CLSTN3: variants seen among roughly 807,000 people sequenced by gnomAD.
CLSTN3 encodes the protein calsyntenin 3, also known as calsyntenin-3.
Under a neutral mutation model 95.9 loss-of-function variants are expected in CLSTN3, and 36 were observed. The ratio of observed to expected loss-of-function variants is 0.38; its 90% CI spans 0.29 to 0.50. The LOEUF is 0.50. Ranked by LOEUF, CLSTN3 falls within the 20% of genes least tolerant of loss-of-function variation. The probability of loss-of-function intolerance (pLI) is 0.95; values close to 1 mark genes in which losing one functional copy is unlikely to be tolerated. For synonymous variants in CLSTN3, 481 were observed against 504.0 expected (o/e 0.95, Z 0.61); for missense variants, 1,084 against 1,268.8 (o/e 0.85, Z 2.21).
chr12:7,139,237 G>A (rs1293294268), intron 8 of CLSTN3, among the ~76,000 whole-genome samples: 3 of 152,204 alleles, frequency 2.0e-5, no homozygotes, highest in Non-Finnish European at 1.5e-5. Context: ...GCAGGCAAGG[G>A]ACTGGGGCAG....
chr12:7,153,264 C>T (rs775747773), intron 16 of CLSTN3, among the ~76,000 whole-genome samples: 14 of 152,148 alleles, frequency 9.2e-5, no homozygotes, highest in Admixed American at 2.0e-4. Context: ...AGCAATCCTC[C>T]TGCCTTAGCC....
chr12:7,156,465 G>A (rs987625199), intron 16 of CLSTN3: 1 of 456,940 alleles, frequency 2.2e-6, no homozygotes, highest in Non-Finnish European at 4.4e-6. Context: ...CAGCTGGTGG[G>A]GAGCTGGGTG....
rs1263290238 is a variant in CLSTN3, at chr12:7,130,475, A to T, written c.-174A>T. The T allele has an allele frequency of 3.3e-6, 5 of 1,499,488 alleles. No homozygotes were observed. The African/African-American group carries it at 6.9e-5, about 21-fold the overall frequency. 92.9% of individuals were successfully genotyped at this position (1,499,488 alleles called of 1,614,324 possible). A position where few individuals can be genotyped will look rare whatever the true frequency, so the allele number is the denominator to read the frequency against. On this transcript the variant is annotated 5_prime_UTR_variant, in exon 1 of 18. Transcript: ENST00000266546. ...CACCGCCTCAGCTACCCAGATTGGG[A>T]TCTGCCCAGGCCCGCTTTATGGACT...
chr12:7,133,176 G>T lies in CLSTN3; in HGVS notation c.187+30G>T, dbSNP rs763105524. On this transcript the variant is annotated intron_variant, in intron 2 of 17. Coordinates refer to ENST00000266546, the MANE Select transcript of CLSTN3 (RefSeq NM_014718.4). The surrounding 1 kb of genome is among the most constrained non-coding windows in gnomAD (Gnocchi z 4.7). The stretch of plus-strand genomic sequence containing the variant: ...TTGGGATTGGGGGATGGCAAGGCAG[G>T]GTAGGACAGAGAAAAGTGGGTGGGA... 5 of 1,612,290 alleles carry T rather than the reference G, an allele frequency of 3.1e-6. No homozygotes were observed. In the South Asian group the frequency reaches 4.4e-5, roughly 14 times the overall value.
upstream of CLSTN3, chr12:7,129,897 A>G: frequency 1.2e-6 from 1 of 808,338 alleles, no homozygotes; most frequent in South Asian, 5.6e-5. The surrounding 1 kb of genome is among the most constrained non-coding windows in gnomAD (Gnocchi z 5.5). Flanking sequence ...CGCCCTGCGG[A>G]CCGCCCTGTG....
Position 7,150,551 on chromosome 12 carries a change from G to A in CLSTN3, c.2253G>A (p.Glu751=). 1 of 1,610,202 alleles carries A rather than the reference G, an allele frequency of 6.2e-7. No homozygotes were observed. Among genetic ancestry groups the A allele is most frequent in the Non-Finnish European group, 8.5e-7 (1 of 1,176,968 alleles). The change falls in exon 15 of 18, where the codon GAG becomes GAA. Residue 751 remains glutamate, a synonymous_variant. Coordinates refer to ENST00000266546, the MANE Select transcript of CLSTN3 (RefSeq NM_014718.4). The surrounding 1 kb of genome is among the most constrained non-coding windows in gnomAD (Gnocchi z 4.0). ...TSAYLTIAGV[E]SITVYEEILR... is the part of the protein sequence containing the mutation. ...GTGCTTCCTCATCTCCAGGGGTGGA[G>A]AGCATCACTGTGTATGAAGAGATCC...
upstream of CLSTN3, chr12:7,129,249 G>A: frequency 4.5e-6 from 1 of 221,044 alleles, no homozygotes; most frequent in Non-Finnish European, 9.3e-6. This position sits in a 1 kb window ranked among gnomAD's most constrained non-coding sequence, Gnocchi z 5.5. Context: ...GGCTGTGTGA[G>A]GTGGAGATGA....
chr12:7,140,596 G>C (rs1445496811), intron 8 of CLSTN3, among the ~76,000 whole-genome samples: 1 of 152,092 alleles, frequency 6.6e-6, no homozygotes, highest in African/African-American at 2.4e-5. Flanking sequence ...AGACTGCAAA[G>C]GGAAGCAATA....
chr12:7,130,931 TC>T (rs1246440996), intron 1 of CLSTN3: 3 of 605,388 alleles, frequency 5.0e-6, no homozygotes, highest in Non-Finnish European at 8.8e-6. Context: ...CCCATGCGTT[TC>T]TCTTGCTGGT....
At chr12:7,135,182 T>C (rs975382044) in intron 3 of CLSTN3, 145 bp from the exon 4 acceptor site, 8 of 747,242 alleles carry the variant, frequency 1.1e-5, no homozygotes, top group Non-Finnish European at 1.8e-5. Context: ...ATCGAACCTG[T>C]CCCTCCATGT....
chr12:7,134,288 C>T (rs145930613), intron 3 of CLSTN3, among the ~76,000 whole-genome samples: 155 of 152,336 alleles, frequency 1.0e-3, no homozygotes, highest in African/African-American at 3.7e-3. Context: ...CTATCATACA[C>T]ATATAGCTCT....
chr12:7,135,340 G>A lies in CLSTN3; in HGVS notation c.397G>A (p.Val133Met). ...TGGCATATGCAGGGCCACTGTGCAT[G>A]TGCGGGTCAACGATGTGAACGAGTT... ...TKKSHKATVH[V>M]RVNDVNEFAP... The change falls in exon 4 of 18, where the codon GTG (valine) becomes ATG (methionine). Residue 133 changes from valine to methionine, a missense_variant. Coordinates refer to ENST00000266546, the MANE Select transcript of CLSTN3 (RefSeq NM_014718.4). The A allele has an allele frequency of 3.7e-6, 6 of 1,614,142 alleles. No individual in the cohort carries two copies. The highest frequency in any genetic ancestry group is 5.1e-6 in the Non-Finnish European group (6 of 1,179,994).
chr12:7,147,143 C>T (rs920994564), intron 12 of CLSTN3, among the ~76,000 whole-genome samples: 39 of 152,050 alleles, frequency 2.6e-4, no homozygotes, highest in African/African-American at 6.0e-4. Flanking sequence ...CTAACTCCAC[C>T]GTGAAGTCTG....
rs144128063 is a variant in CLSTN3 at position 7,142,009 on chromosome 12, A to T, written c.1487-77A>T. On this transcript the variant is annotated intron_variant, in intron 9 of 17. Coordinates refer to ENST00000266546, the MANE Select transcript of CLSTN3 (RefSeq NM_014718.4). ...GAGCACTCATGGGGATGAGAGGAAG[A>T]CATCTCATTCCTCTCTGTCAATCTC... The T allele has an allele frequency of 3.7e-4, 427 of 1,138,754 alleles. 2 individuals are homozygous for T. In the East Asian group the frequency reaches 8.1e-3, roughly 22 times the overall value. 70.5% of individuals were successfully genotyped at this position (1,138,754 alleles called of 1,614,324 possible).
Position 7,157,962 on chromosome 12 carries a change from T to C in CLSTN3, c.2752T>C (p.Cys918Arg), listed in dbSNP as rs1448982616. The C allele has an allele frequency of 1.9e-6, 3 of 1,551,228 alleles. No individual in the cohort carries two copies. Among genetic ancestry groups the C allele is most frequent in the Non-Finnish European group, 2.6e-6 (3 of 1,146,942 alleles). The change falls in exon 18 of 18, where the codon TGT (cysteine) becomes CGT (arginine). Residue 918 changes from cysteine (C) to arginine (R), a missense_variant. By Grantham distance (180) the Cys-to-Arg change is radical. Transcript: ENST00000266546. This position sits in a 1 kb window ranked among gnomAD's most constrained non-coding sequence, Gnocchi z 5.9. ...PMESYQNRQSCVTGAVGGQQE... is the reference protein window; with the variant it reads ...PMESYQNRQSRVTGAVGGQQE... ...CCAGTCCTACCAGAATCGGCAGTCC[T>C]GTGTGACGGGGGCTGTTGGGGGCCA...
intron 12 of CLSTN3, among the ~76,000 whole-genome samples, chr12:7,147,286 G>T (rs1260212799): frequency 6.7e-6 from 1 of 149,354 alleles, no homozygotes; most frequent in East Asian, 2.1e-4. Context: ...TGTGGTCCCA[G>T]CTCCTCAGGA....
chr12:7,145,910 G>A (rs768460467), intron 12 of CLSTN3, among the ~76,000 whole-genome samples: 1 of 152,262 alleles, frequency 6.6e-6, no homozygotes, highest in South Asian at 2.1e-4. Context: ...CCTGGACCCT[G>A]CCTCTGTGCC....
upstream of CLSTN3, chr12:7,129,852 G>A (rs1479289719): frequency 1.6e-5 from 16 of 971,902 alleles, no homozygotes; most frequent in Non-Finnish European, 1.8e-5. This position sits in a 1 kb window ranked among gnomAD's most constrained non-coding sequence, Gnocchi z 5.5. Flanking sequence ...GGTGCACGAC[G>A]TCCTGCCCCT....
upstream of CLSTN3, chr12:7,129,544 C>G: frequency 1.1e-6 from 1 of 900,230 alleles, no homozygotes; most frequent in Non-Finnish European, 1.3e-6. The surrounding 1 kb of genome is among the most constrained non-coding windows in gnomAD (Gnocchi z 5.5). Flanking sequence ...TTCTTTTTGG[C>G]TTGGGACCCA....
Sources: gnomAD v4.1 joint callset for allele counts (sites outside exome capture counted in the v4.1 genomes callset) on GRCh38, gnomAD v4.1.1 for gene constraint, Gnocchi (gnomAD v3.1) non-coding constraint, MANE v1.5 for transcripts, NCBI Gene and HGNC (gene_info 2026-07-23, HGNC 2026-07-21) for gene names.